WWOX: variants seen among roughly 807,000 people sequenced by gnomAD.
The protein encoded by WWOX is WW domain containing oxidoreductase.
A neutral mutation model predicts 46.2 loss-of-function variants in WWOX; 69 were observed. The observed-to-expected ratio is 1.49, with a 90% confidence interval of 1.23 to 1.82. The LOEUF (loss-of-function observed/expected upper bound fraction) is 1.82, where lower values mean the gene tolerates loss of function less well. Among genes scored for constraint, WWOX ranks in the 40% most tolerant of loss-of-function variants. WWOX has a pLI of 0.00. For synonymous variants in WWOX, 359 were observed against 202.6 expected, an observed-to-expected ratio of 1.77 and a Z score of -6.56; for missense variants, 919 against 542.6, an observed-to-expected ratio of 1.69 and a Z score of -6.89.
intron 8 of WWOX, among the ~76,000 whole-genome samples, chr16:78,986,124 C>T (rs975709366): frequency 2.0e-5 from 3 of 152,226 alleles, no homozygotes; most frequent in Non-Finnish European, 2.9e-5. Context: ...TTTATGGAGT[C>T]AGGAGCACAC....
intron 8 of WWOX, 58 bp from the exon 9 acceptor site, chr16:79,211,550 G>T: frequency 1.2e-6 from 2 of 1,609,880 alleles, no homozygotes; most frequent in Admixed American, 3.3e-5. Flanking sequence ...TCGAAATGAC[G>T]CCATCTCATC....
chr16:78,472,974 C>T lies in WWOX; in HGVS notation c.1056+40222C>T, dbSNP rs145911963. Among the ~76,000 whole-genome samples the T allele has an allele frequency of 3.9e-5, 6 of 152,298 alleles. No individual in the cohort carries two copies. In the East Asian group the frequency reaches 1.2e-3, roughly 29 times the overall value. ...GGGCCCTTGGGCCAAATCTGATCTG[C>T]AGCCTGTTTTTGTGCCGCCTGCAGG... On this transcript the variant is annotated intron_variant, in intron 8 of 8. Transcript: ENST00000566780.
At chr16:78,698,454 T>G (rs775181572) in intron 8 of WWOX, among the ~76,000 whole-genome samples, 12 of 152,224 alleles carry the variant, frequency 7.9e-5, no homozygotes, top group South Asian at 2.1e-4. Context: ...CTTTTTAAGC[T>G]TTTAATTCCA....
intron 8 of WWOX, among the ~76,000 whole-genome samples, chr16:78,530,720 A>G (rs534109564): frequency 1.6e-4 from 24 of 152,354 alleles, no homozygotes; most frequent in African/African-American, 5.5e-4. Flanking sequence ...TCTTCTGCCC[A>G]GAATTTCCCT....
At chr16:78,747,015 G>C (rs530744037) in intron 8 of WWOX, among the ~76,000 whole-genome samples, 3 of 152,118 alleles carry the variant, frequency 2.0e-5, no homozygotes, top group South Asian at 2.1e-4. Context: ...ACTCCTGCCT[G>C]CCTCTCAGTT....
At chr16:78,983,669 A>G (rs1194457508) in intron 8 of WWOX, among the ~76,000 whole-genome samples, 1 of 152,120 alleles carries the variant, frequency 6.6e-6, no homozygotes, top group Non-Finnish European at 1.5e-5. Context: ...CGGCTGCAGG[A>G]TGAAACTAGT....
At chr16:78,898,668 T>C (rs1238131711) in intron 8 of WWOX, 1 of 152,136 alleles carries the variant, frequency 6.6e-6, no homozygotes, top group Non-Finnish European at 1.5e-5. Context: ...TGGGAGTTTA[T>C]TTGCTTTGGT....
At chr16:78,421,580 G>A (rs903686692) in intron 6 of WWOX, among the ~76,000 whole-genome samples, 2 of 152,130 alleles carry the variant, frequency 1.3e-5, no homozygotes, top group African/African-American at 4.8e-5. Flanking sequence ...GAAGCAATGG[G>A]ATGGGAGGTA....
chr16:79,049,047 C>T (rs570451733), intron 8 of WWOX, among the ~76,000 whole-genome samples: 5 of 152,282 alleles, frequency 3.3e-5, no homozygotes, highest in South Asian at 2.1e-4. Flanking sequence ...GATACAAAAG[C>T]GACAAGGTTT....
intron 8 of WWOX, among the ~76,000 whole-genome samples, chr16:78,789,324 A>T (rs1416034741): frequency 6.6e-6 from 1 of 152,170 alleles, no homozygotes; most frequent in Non-Finnish European, 1.5e-5. Flanking sequence ...CAATTTTTCT[A>T]TATAGTTTAA....
At chr16:78,703,934 A>G (rs2048279359) in intron 8 of WWOX, among the ~76,000 whole-genome samples, 1 of 152,128 alleles carries the variant, frequency 6.6e-6, no homozygotes, top group African/African-American at 2.4e-5. Flanking sequence ...AAAACTTGGT[A>G]AAAGATTTAT....
chr16:78,597,668 C>G (rs1167488008), intron 8 of WWOX, among the ~76,000 whole-genome samples: 2 of 151,822 alleles, frequency 1.3e-5, no homozygotes, highest in African/African-American at 2.4e-5. Context: ...TTCCAAACCC[C>G]TAAATTGTGG....
intron 8 of WWOX, among the ~76,000 whole-genome samples, chr16:78,539,660 G>C (rs1267078489): frequency 6.6e-6 from 1 of 152,178 alleles, no homozygotes; most frequent in South Asian, 2.1e-4. Context: ...AATTGTACTT[G>C]CAGTGGCTGC....
intron 8 of WWOX, among the ~76,000 whole-genome samples, chr16:79,028,279 G>C (rs944564997): frequency 1.3e-5 from 2 of 151,800 alleles, no homozygotes; most frequent in African/African-American, 4.9e-5. Context: ...CCTAATACCT[G>C]GCCCAGTGTC....
At chr16:78,539,463 C>T (rs2043835935) in intron 8 of WWOX, among the ~76,000 whole-genome samples, 1 of 152,194 alleles carries the variant, frequency 6.6e-6, no homozygotes, top group Non-Finnish European at 1.5e-5. Flanking sequence ...ATTTCTCTTC[C>T]AGTAAGCAAT....
intron 5 of WWOX, among the ~76,000 whole-genome samples, chr16:78,321,775 C>T (rs2080488254): frequency 6.6e-6 from 1 of 152,188 alleles, no homozygotes; most frequent in Admixed American, 6.5e-5. Context: ...CAGGCCCTCC[C>T]TGTCAGTGGC....
chr16:78,241,983 C>G lies in WWOX; in HGVS notation c.516+77694C>G, dbSNP rs77124467. On this transcript the variant is annotated intron_variant, in intron 5 of 8. Transcript: ENST00000566780. ...AATGTTTTGGGTGAATTCCCCATAG[C>G]TACACTAGATTTGAGGCTGAGAAAT... 6.6e-3 allele frequency among the ~76,000 whole-genome samples: 1,009 copies of G among 152,312 alleles called. 10 individuals are homozygous for G. The highest frequency in any genetic ancestry group is 0.023 in the African/African-American group (969 of 41,562).
intron 8 of WWOX, among the ~76,000 whole-genome samples, chr16:78,731,485 C>A (rs889188190): frequency 6.6e-6 from 1 of 152,136 alleles, no homozygotes; most frequent in African/African-American, 2.4e-5. Context: ...GAATATAAGC[C>A]TCTGTTCTTT....
At chr16:78,324,120 G>A (rs920047047) in intron 5 of WWOX, among the ~76,000 whole-genome samples, 9 of 152,100 alleles carry the variant, frequency 5.9e-5, no homozygotes, top group South Asian at 4.2e-4. Flanking sequence ...GGATTTGAAC[G>A]TCTGTCTGCT....
Sources: gnomAD v4.1 joint callset for allele counts (sites outside exome capture counted in the v4.1 genomes callset) on GRCh38, gnomAD v4.1.1 for gene constraint, MANE v1.5 for transcripts, NCBI Gene and HGNC (gene_info 2026-07-23, HGNC 2026-07-21) for gene names.